The following NUP210L variants were observed in gnomAD, a reference collection of about 807,000 sequenced individuals.
The protein encoded by NUP210L is nucleoporin 210 like.
In NUP210L, 74 loss-of-function variants were observed where a neutral mutation model predicts 208.5. The ratio of observed to expected loss-of-function variants is 0.35; its 90% confidence interval spans 0.29 to 0.43. The LOEUF (loss-of-function observed/expected upper bound fraction) is 0.43. Among genes scored for constraint, NUP210L ranks in the 20% least tolerant of loss-of-function variants. The pLI is 1.00. For synonymous variants in NUP210L, 780 were observed against 816.9 expected (o/e 0.95, Z 0.77); for missense variants, 1,843 against 2,289.4 (o/e 0.81, Z 3.98).
At chr1:154,045,179 G>A (rs1469638969) in intron 27 of NUP210L, among the ~76,000 whole-genome samples, 3 of 152,090 alleles carry the variant, frequency 2.0e-5, no homozygotes, top group Non-Finnish European at 2.9e-5. Flanking sequence ...CTACAGCTCC[G>A]TGGTACCCAT....
chr1:154,087,298 C>T (rs896959083), intron 16 of NUP210L, among the ~76,000 whole-genome samples: 14 of 118,586 alleles, frequency 1.2e-4, no homozygotes, highest in East Asian at 2.3e-4. Context: ...CCAGCCTGGG[C>T]GAAAAGAATG....
chr1:154,000,963 G>C (rs1441903331), exon 37 of NUP210L: 3 of 1,614,186 alleles, frequency 1.9e-6, no homozygotes, highest in Non-Finnish European at 2.5e-6. Context: ...CTGGAAGGAA[G>C]TGAAGTTGAC....
chr1:154,035,404 T>A (rs1232097327), intron 27 of NUP210L, among the ~76,000 whole-genome samples: 1 of 149,098 alleles, frequency 6.7e-6, no homozygotes, highest in Non-Finnish European at 1.5e-5. Flanking sequence ...TTTTTCTACT[T>A]TTTTTTTTTT....
At chr1:154,125,130 C>T (rs192265987) in intron 10 of NUP210L, among the ~76,000 whole-genome samples, 24 of 152,160 alleles carry the variant, frequency 1.6e-4, no homozygotes, top group South Asian at 1.2e-3. Flanking sequence ...CACAGTGAAA[C>T]GCCTTCTTTA....
intron 2 of NUP210L, among the ~76,000 whole-genome samples, chr1:154,148,250 G>A (rs1659217936): frequency 6.6e-6 from 1 of 151,184 alleles, no homozygotes; most frequent in Non-Finnish European, 1.5e-5. Flanking sequence ...CTGGGCGACA[G>A]AGCAAGACTC....
At chr1:154,068,773 A>C (rs1654542666) in intron 17 of NUP210L, among the ~76,000 whole-genome samples, 1 of 151,944 alleles carries the variant, frequency 6.6e-6, no homozygotes, top group South Asian at 2.1e-4. Flanking sequence ...GGAATTGAAC[A>C]ATGAGAACAC....
At chr1:154,115,605 CTCAG>C (rs1316538273) in intron 12 of NUP210L, among the ~76,000 whole-genome samples, 1 of 152,172 alleles carries the variant, frequency 6.6e-6, no homozygotes, top group Non-Finnish European at 1.5e-5. Context: ...TCAAGTAGTT[CTCAG>C]TCATACAGGG....
intron 38 of NUP210L, among the ~76,000 whole-genome samples, chr1:153,994,806 G>T (rs577026482): frequency 1.6e-4 from 24 of 151,354 alleles, no homozygotes; most frequent in African/African-American, 5.6e-4. Context: ...GAGGTCAGGA[G>T]TTCAAGACCA....
At chr1:154,150,856 T>C (rs1310634396) in intron 2 of NUP210L, among the ~76,000 whole-genome samples, 2 of 152,176 alleles carry the variant, frequency 1.3e-5, no homozygotes, top group East Asian at 1.9e-4. Context: ...CAATTTCTCT[T>C]AGGCATGCAC....
intron 16 of NUP210L, among the ~76,000 whole-genome samples, chr1:154,084,711 G>A (rs956577342): frequency 6.6e-6 from 1 of 151,106 alleles, no homozygotes; most frequent in Admixed American, 6.6e-5. Flanking sequence ...GGGCTCAAGT[G>A]ATCCACCTGC....
At chr1:154,118,048 A>G (rs1407679919) in intron 11 of NUP210L, among the ~76,000 whole-genome samples, 168 bp from the exon 12 acceptor site, 18 of 152,118 alleles carry the variant, frequency 1.2e-4, no homozygotes, top group Admixed American at 1.0e-3. Flanking sequence ...GGTGCCTTAC[A>G]CCTGTAATCC....
At chr1:154,139,227 T>C (rs1658705848) in intron 5 of NUP210L, among the ~76,000 whole-genome samples, 1 of 151,906 alleles carries the variant, frequency 6.6e-6, no homozygotes, top group Non-Finnish European at 1.5e-5. Context: ...TTAGAAACTG[T>C]AGTTTATTGG....
At chr1:154,112,547 A>T (rs781436908) in intron 12 of NUP210L, among the ~76,000 whole-genome samples, 3 of 152,150 alleles carry the variant, frequency 2.0e-5, no homozygotes, top group Admixed American at 6.6e-5. Flanking sequence ...ATATCAAAAT[A>T]TCTCATGTAT....
Position 154,060,810 on chromosome 1 carries a change from T to TTA in NUP210L, c.2748+130_2748+131dup, listed in dbSNP as rs1654093662. 1.1e-5 allele frequency: 8 copies of TTA among 745,360 alleles called. No individual in the cohort carries two copies. In the South Asian group the frequency reaches 1.4e-4, roughly 14 times the overall value. The allele number at this position is 745,360 out of a possible 1,614,324, so 46.2% of individuals were successfully genotyped here. Reference sequence around the variant, plus strand: ...ACAATTTTTAAGGACAGTGCAACTATTATATATGTGTTTTACATATATGTA... The same window carrying TTA: ...ACAATTTTTAAGGACAGTGCAACTATTATATATATGTGTTTTACATATATGTA... On this transcript the variant is annotated intron_variant, in intron 19 of 39. Coordinates refer to ENST00000368559, the Ensembl canonical transcript of NUP210L.
intron 14 of NUP210L, 21 bp from the exon 15 acceptor site, chr1:154,095,177 T>C (rs764948396): frequency 1.3e-6 from 2 of 1,544,502 alleles, no homozygotes; most frequent in Non-Finnish European, 1.8e-6. Context: ...TTAAAGAAAT[T>C]AATTCCTGAT....
intron 35 of NUP210L, among the ~76,000 whole-genome samples, chr1:154,003,756 G>A (rs762275876): frequency 6.6e-6 from 1 of 152,064 alleles, no homozygotes; most frequent in Non-Finnish European, 1.5e-5. Context: ...CTAAAACATT[G>A]GGATTATAGG....
chr1:154,016,964 TCAAAAAAAAACAAAAAAACACGCA>T (rs1238948421), intron 33 of NUP210L, among the ~76,000 whole-genome samples: 1 of 150,962 alleles, frequency 6.6e-6, no homozygotes, highest in African/African-American at 2.4e-5. Flanking sequence ...ATACTCCATC[TCAAAAAAAAACAAAAAAACACGCA>T]CAAAAAAGCC....
chr1:154,146,986 G>A (rs1659152767), intron 2 of NUP210L, among the ~76,000 whole-genome samples: 1 of 151,932 alleles, frequency 6.6e-6, no homozygotes, highest in East Asian at 1.9e-4. Flanking sequence ...ACCGCACCTG[G>A]CTAATTTTTA....
intron 11 of NUP210L, 30 bp downstream of exon 11, chr1:154,118,641 C>A: frequency 7.3e-7 from 1 of 1,372,242 alleles, no homozygotes; most frequent in South Asian, 2.0e-5. Flanking sequence ...ACCGGCTTAT[C>A]TCCTTGTGAA....
Sources: gnomAD v4.1 joint callset for allele counts (sites outside exome capture counted in the v4.1 genomes callset) on GRCh38, gnomAD v4.1.1 for gene constraint, MANE v1.5 for transcripts, NCBI Gene and HGNC (gene_info 2026-07-23, HGNC 2026-07-21) for gene names.